Variants in SYTL4 observed in about 807,000 individuals in gnomAD.
SYTL4 encodes the protein synaptotagmin-like protein 4.
SYTL4 carries 16 observed loss-of-function variants against 52.7 expected under a neutral mutation model. The ratio of observed to expected loss-of-function variants is 0.30; its 90% CI spans 0.21 to 0.46. The LOEUF (loss-of-function observed/expected upper bound fraction) is 0.46, where lower values mean the gene tolerates loss of function less well. Among genes scored for constraint, SYTL4 ranks in the 20% least tolerant of loss-of-function variants. The probability of loss-of-function intolerance (pLI) is 1.00; values close to 1 mark genes in which losing one functional copy is unlikely to be tolerated. For missense variants in SYTL4, 423 were observed against 519.9 expected (o/e 0.81, Z 1.81); for synonymous variants, 160 against 186.6 (o/e 0.86, Z 1.16).
At chrX:100,708,493 C>A (rs2084004797) in intron 2 of SYTL4, among the ~76,000 whole-genome samples, 1 of 111,718 alleles carries the variant, frequency 9.0e-6, no homozygotes, top group Non-Finnish European at 1.9e-5. Flanking sequence ...CAGTCTATAT[C>A]CTAATCCTAA....
rs1390672366 is a variant in SYTL4, at chrX:100,674,731, T to C, written c.*1297A>G. On this transcript the variant is annotated 3_prime_UTR_variant, in exon 20 of 20. Transcript: ENST00000372989. Reference sequence around the variant, plus strand: ...TAGCAGCTGACTCTGTTGAAAGGGATTTCCTCTCTGCTATACACTCCTTCC... The same window carrying C: ...TAGCAGCTGACTCTGTTGAAAGGGACTTCCTCTCTGCTATACACTCCTTCC... 9.0e-6 allele frequency: 1 copy of C among 111,661 alleles called. No homozygotes were observed. Among genetic ancestry groups the C allele is most frequent in the African/African-American group, 3.3e-5 (1 of 30,688 alleles). 9.2% of individuals were successfully genotyped at this position (111,661 alleles called of 1,213,427 possible).
chrX:100,727,695 C>T (rs1478291230), intron 2 of SYTL4, among the ~76,000 whole-genome samples: 1 of 111,929 alleles, frequency 8.9e-6, no homozygotes, highest in Non-Finnish European at 1.9e-5. Flanking sequence ...GAGATGGAGA[C>T]GTGTGGCAGA....
At chrX:100,689,662 A>AAG (rs2083551828) in intron 12 of SYTL4, among the ~76,000 whole-genome samples, 194 bp downstream of exon 12, 3 of 102,481 alleles carry the variant, frequency 2.9e-5, no homozygotes, top group Non-Finnish European at 4.0e-5. Context: ...AAAAAAAAAA[A>AAG]AGAGATAGCA....
intron 2 of SYTL4, among the ~76,000 whole-genome samples, chrX:100,717,168 T>C (rs764065982): frequency 9.0e-6 from 1 of 111,701 alleles, no homozygotes; most frequent in Admixed American, 9.5e-5. Context: ...TGCTAAGCGG[T>C]ACACTAGCTG....
chrX:100,685,307 A>G (rs1260657245), intron 16 of SYTL4: 2 of 112,308 alleles, frequency 1.8e-5, no homozygotes, highest in African/African-American at 6.5e-5. Flanking sequence ...GCTAGTGTAA[A>G]AAAAAATAAG....
intron 2 of SYTL4, among the ~76,000 whole-genome samples, chrX:100,729,268 T>C (rs977165704): frequency 6.3e-5 from 7 of 111,265 alleles, no homozygotes; most frequent in Admixed American, 2.9e-4. Context: ...TTAACAAATA[T>C]TAGTATGCAC....
chrX:100,691,572 C>T (rs1340720712), intron 8 of SYTL4, among the ~76,000 whole-genome samples: 3 of 110,509 alleles, frequency 2.7e-5, no homozygotes, highest in African/African-American at 9.9e-5. Flanking sequence ...GAGTCTCACT[C>T]TGTCTCCCAG....
At chrX:100,678,888 A>C in intron 18 of SYTL4, 2 of 322,380 alleles carry the variant, frequency 6.2e-6, no homozygotes, top group Non-Finnish European at 5.4e-6. Flanking sequence ...TGTTTCTACT[A>C]GACAATTTAT....
chrX:100,689,209 CAAA>C (rs768851126), intron 12 of SYTL4, among the ~76,000 whole-genome samples: 1 of 79,712 alleles, frequency 1.3e-5, no homozygotes, highest in Non-Finnish European at 2.5e-5. Context: ...TCCCATCTCT[CAAA>C]AAAAAAAAAA....
chrX:100,681,478 G>A (rs190470063), intron 16 of SYTL4, 143 bp from the exon 17 acceptor site: 36 of 454,723 alleles, frequency 7.9e-5, no homozygotes, highest in Middle Eastern at 1.2e-3. Context: ...ATAATCCACC[G>A]TCCCTAGGCC....
intron 16 of SYTL4, among the ~76,000 whole-genome samples, chrX:100,683,932 G>A (rs2083428946): frequency 9.0e-6 from 1 of 111,703 alleles, no homozygotes; most frequent in African/African-American, 3.3e-5. Context: ...TTTATTGGCA[G>A]TAGTTCATGA....
At chrX:100,716,741 G>A (rs759243860) in intron 2 of SYTL4, among the ~76,000 whole-genome samples, 19 of 110,427 alleles carry the variant, frequency 1.7e-4, no homozygotes, top group Admixed American at 9.7e-4. Flanking sequence ...TTGGGATATT[G>A]TGTTGGTTAT....
Position 100,686,680 on chromosome X carries a change from C to T in SYTL4, c.1286G>A (p.Arg429Lys). The T allele has an allele frequency of 1.7e-6, 2 of 1,195,571 alleles. No homozygotes were observed. The highest frequency in any genetic ancestry group is 2.3e-6 in the Non-Finnish European group (2 of 881,312). The change falls in exon 15 of 20, where the codon AGG (arginine) becomes AAG (lysine). Residue 429 changes from arginine (R) to lysine (K), a missense_variant and splice_region_variant. By Grantham distance (26) the Arg-to-Lys change is conservative. Coordinates refer to ENST00000372989, the MANE Select transcript of SYTL4 (RefSeq NM_001370165.1). ...TACCCTTGAGGTCTAGATACTTACC[C>T]TCAGCGTCTCATCATATAGTGGATT... ...TINPLYDETL[R>K]YEIPESLLAQ...
chrX:100,724,009 G>T (rs1380384292), intron 2 of SYTL4, among the ~76,000 whole-genome samples: 1 of 101,888 alleles, frequency 9.8e-6, no homozygotes, highest in South Asian at 4.6e-4. Flanking sequence ...CGTCCGGGAG[G>T]GAGGTGGGGG....
intron 8 of SYTL4, among the ~76,000 whole-genome samples, chrX:100,694,294 C>G (rs1046658686): frequency 8.9e-6 from 1 of 111,821 alleles, no homozygotes; most frequent in African/African-American, 3.3e-5. Context: ...AAAGTCTTAA[C>G]ATGATCTGCT....
At chrX:100,725,096 A>G (rs772012476) in intron 2 of SYTL4, among the ~76,000 whole-genome samples, 2 of 111,543 alleles carry the variant, frequency 1.8e-5, no homozygotes, top group South Asian at 7.6e-4. Flanking sequence ...GGAACAGAAG[A>G]TTTATATGTT....
chrX:100,702,921 AAG>A (rs1661546925), intron 4 of SYTL4, among the ~76,000 whole-genome samples, 170 bp downstream of exon 4: 2 of 112,427 alleles, frequency 1.8e-5, no homozygotes, highest in South Asian at 7.4e-4. Flanking sequence ...AGAGAGAGGA[AAG>A]AGAGCAGTAT....
At chrX:100,700,019 C>T (rs757441359) in intron 8 of SYTL4, among the ~76,000 whole-genome samples, 3 of 110,961 alleles carry the variant, frequency 2.7e-5, no homozygotes, top group Non-Finnish European at 3.8e-5. Context: ...ACATGAAATA[C>T]CCAGGATAGG....
At chrX:100,711,516 T>C (rs1420892594) in intron 2 of SYTL4, among the ~76,000 whole-genome samples, 1 of 111,333 alleles carries the variant, frequency 9.0e-6, no homozygotes, top group African/African-American at 3.3e-5. Flanking sequence ...ATGTCTGAGA[T>C]GAAAAACACA....
Sources: allele counts gnomAD v4.1 joint callset (sites outside exome capture counted in the v4.1 genomes callset), GRCh38; gene constraint gnomAD v4.1.1; transcripts MANE v1.5; gene names NCBI Gene and HGNC (gene_info 2026-07-23, HGNC 2026-07-21).